The following GRK5 variants were observed in gnomAD, a reference collection of about 807,000 sequenced individuals.
The protein encoded by GRK5 is G protein-coupled receptor kinase 5, also known as g protein-coupled receptor kinase GRK5.
In GRK5, 40 loss-of-function variants were observed where a neutral mutation model predicts 78.4. The ratio of observed to expected loss-of-function variants is 0.51; its 90% CI spans 0.40 to 0.66. The LOEUF (loss-of-function observed/expected upper bound fraction) is 0.66, where lower values mean the gene tolerates loss of function less well. Among genes scored for constraint, GRK5 ranks in the 30% least tolerant of loss-of-function variants. The pLI is 0.00. For missense variants in GRK5, 598 were observed against 759.9 expected, an observed-to-expected ratio of 0.79 and a Z score of 2.50; for synonymous variants, 289 against 296.8, an observed-to-expected ratio of 0.97 and a Z score of 0.27.
chr10:119,450,948 C>T (rs1405421387), intron 13 of GRK5, among the ~76,000 whole-genome samples: 4 of 150,896 alleles, frequency 2.7e-5, no homozygotes, highest in African/African-American at 7.3e-5. Flanking sequence ...CGCCAACCCC[C>T]AGTCATCCCT....
rs1462921793 is a variant in GRK5 at position 119,431,672 on chromosome 10, G to A, written c.738+145G>A. The A allele has an allele frequency of 1.2e-5, 12 of 998,450 alleles. No homozygotes were observed. Among genetic ancestry groups the A allele is most frequent in the African/African-American group, 1.7e-5 (1 of 60,548 alleles). The allele number at this position is 998,450 out of a possible 1,614,324, so 61.8% of individuals were successfully genotyped here. A position where few individuals can be genotyped will look rare whatever the true frequency, so the allele number is the denominator to read the frequency against. ...AGTGGCAGCGCTGAGCTACAGAAAG[G>A]CCGCAAGACATTCCTCCATCACACG... On this transcript the variant is annotated intron_variant, in intron 8 of 15. Transcript: ENST00000392870. This position sits in a 1 kb window ranked among gnomAD's most constrained non-coding sequence, Gnocchi z 4.8.
chr10:119,324,785 C>T (rs560895706), intron 1 of GRK5, among the ~76,000 whole-genome samples: 12 of 152,238 alleles, frequency 7.9e-5, no homozygotes, highest in Admixed American at 1.3e-4. Flanking sequence ...GTGTGGCCCC[C>T]GTTGGCAGAA....
chr10:119,395,097 T>C (rs890718389), intron 3 of GRK5, among the ~76,000 whole-genome samples: 2 of 143,686 alleles, frequency 1.4e-5, no homozygotes, highest in African/African-American at 5.0e-5. Flanking sequence ...CCAGCAGCTG[T>C]GACCTTGGAC....
intron 5 of GRK5, among the ~76,000 whole-genome samples, chr10:119,424,102 C>A (rs1209961585): frequency 2.6e-5 from 4 of 152,110 alleles, no homozygotes; most frequent in African/African-American, 9.7e-5. Context: ...TGGAGAGAGG[C>A]CCTGGTGGGC....
At chr10:119,218,677 G>C (rs889019773) in intron 1 of GRK5, among the ~76,000 whole-genome samples, 1 of 152,162 alleles carries the variant, frequency 6.6e-6, no homozygotes, top group African/African-American at 2.4e-5. Flanking sequence ...TTGGACCATC[G>C]ACTTGAATAG....
intron 1 of GRK5, among the ~76,000 whole-genome samples, chr10:119,265,019 C>T (rs1358240155): frequency 6.6e-6 from 1 of 152,218 alleles, no homozygotes; most frequent in Non-Finnish European, 1.5e-5. Context: ...TTGGGGCTCA[C>T]AGCGGCCTCT....
chr10:119,411,714 C>CT (rs1439790335), intron 4 of GRK5, among the ~76,000 whole-genome samples: 3 of 152,260 alleles, frequency 2.0e-5, no homozygotes, highest in African/African-American at 7.2e-5. Context: ...TAGAAATGCT[C>CT]TGTCTCCCAA....
intron 1 of GRK5, among the ~76,000 whole-genome samples, chr10:119,247,047 G>A (rs1035750390): frequency 2.0e-5 from 3 of 152,142 alleles, no homozygotes; most frequent in South Asian, 2.1e-4. Flanking sequence ...TTTGTACCCC[G>A]TTGCTTTCTG....
chr10:119,407,668 A>G (rs1230862211), intron 4 of GRK5, among the ~76,000 whole-genome samples: 2 of 152,226 alleles, frequency 1.3e-5, no homozygotes, highest in Non-Finnish European at 1.5e-5. Flanking sequence ...AGTAGACACT[A>G]TTGTCCTTGT....
chr10:119,394,814 T>G (rs553148216), intron 3 of GRK5, among the ~76,000 whole-genome samples: 3 of 151,204 alleles, frequency 2.0e-5, no homozygotes, highest in Admixed American at 6.6e-5. Context: ...GGTGTGTGTG[T>G]GGGTGTGTGT....
At chr10:119,365,509 A>G (rs1851433523) in intron 2 of GRK5, among the ~76,000 whole-genome samples, 1 of 152,196 alleles carries the variant, frequency 6.6e-6, no homozygotes, top group Non-Finnish European at 1.5e-5. Flanking sequence ...AAAGACCTGA[A>G]TAAGGGTCTG....
At chr10:119,265,214 A>G (rs972993848) in intron 1 of GRK5, among the ~76,000 whole-genome samples, 1 of 152,136 alleles carries the variant, frequency 6.6e-6, no homozygotes, top group African/African-American at 2.4e-5. Flanking sequence ...TATCTTGTTA[A>G]TTCCTTTCTG....
rs566771872 is a variant in GRK5 at position 119,267,191 on chromosome 10, C to T, written c.52+59222C>T. Reference sequence around the variant, plus strand: ...CTGCGAGGCGGAGGTTGCAGCGAGCCGAGATCACACCATTGCACTCCAGCC... The same window carrying T: ...CTGCGAGGCGGAGGTTGCAGCGAGCTGAGATCACACCATTGCACTCCAGCC... On this transcript the variant is annotated intron_variant, in intron 1 of 15. Coordinates refer to ENST00000392870, the MANE Select transcript of GRK5 (RefSeq NM_005308.3). This position sits in a 1 kb window ranked among gnomAD's most constrained non-coding sequence, Gnocchi z 4.1. Among the ~76,000 whole-genome samples, 37 of 151,640 alleles carry T rather than the reference C, an allele frequency of 2.4e-4. No homozygotes were observed. Among genetic ancestry groups the T allele is most frequent in the African/African-American group, 7.7e-4 (32 of 41,292 alleles).
chr10:119,279,669 A>G (rs1175940735), intron 1 of GRK5, among the ~76,000 whole-genome samples: 1 of 152,230 alleles, frequency 6.6e-6, no homozygotes, highest in African/African-American at 2.4e-5. Context: ...TTTGTGGCCG[A>G]GGCCAGCTCC....
chr10:119,438,860 A>T (rs1482367319), intron 9 of GRK5, among the ~76,000 whole-genome samples: 1 of 152,254 alleles, frequency 6.6e-6, no homozygotes, highest in Non-Finnish European at 1.5e-5. Context: ...ATAAATAAGG[A>T]TACACAAACA....
At chr10:119,268,936 G>T (rs1191323299) in intron 1 of GRK5, among the ~76,000 whole-genome samples, 1 of 152,182 alleles carries the variant, frequency 6.6e-6, no homozygotes, top group Non-Finnish European at 1.5e-5. Flanking sequence ...AACAAAGGGG[G>T]TGCCCTCACC....
chr10:119,387,550 G>C (rs1029335862), intron 3 of GRK5, among the ~76,000 whole-genome samples: 11 of 152,324 alleles, frequency 7.2e-5, no homozygotes, highest in Admixed American at 6.5e-4. Flanking sequence ...GCCATGACTA[G>C]GTCTGGTCTC....
At chr10:119,307,889 C>G (rs1850297881) in intron 1 of GRK5, among the ~76,000 whole-genome samples, 1 of 152,096 alleles carries the variant, frequency 6.6e-6, no homozygotes, top group Non-Finnish European at 1.5e-5. Context: ...TCTAGGAAGC[C>G]TTTTAAAGCC....
intron 1 of GRK5, among the ~76,000 whole-genome samples, chr10:119,208,848 TTGTGTTG>T (rs1462304199): frequency 7.2e-5 from 11 of 151,966 alleles, no homozygotes; most frequent in Non-Finnish European, 1.6e-4. Flanking sequence ...CCTGAAATGA[TTGTGTTG>T]TGTCCATGTA....
Sources: allele counts gnomAD v4.1 joint callset (sites outside exome capture counted in the v4.1 genomes callset), GRCh38; gene constraint gnomAD v4.1.1; non-coding constraint Gnocchi (gnomAD v3.1); transcripts MANE v1.5; gene names NCBI Gene and HGNC (gene_info 2026-07-23, HGNC 2026-07-21).